The following ZNF503 variants were observed in gnomAD, a reference collection of about 807,000 sequenced individuals.
ZNF503 encodes NocA-like zinc finger 2.
In ZNF503, 15 loss-of-function variants were observed where a neutral mutation model predicts 34.4. That is an observed-to-expected ratio of 0.44 (90% CI 0.29 to 0.67). ZNF503 has a LOEUF of 0.67. Ranked by LOEUF, ZNF503 falls within the 30% of genes least tolerant of loss-of-function variation. The pLI, the probability that ZNF503 is intolerant of heterozygous loss-of-function variation, is 0.13. For synonymous variants in ZNF503, 580 were observed against 456.8 expected, an observed-to-expected ratio of 1.27 and a Z score of -3.44; for missense variants, 1,007 against 926.8, an observed-to-expected ratio of 1.09 and a Z score of -1.12.
the ZNF503 span, among the ~76,000 whole-genome samples, chr10:75,387,988 G>A: frequency 6.6e-6 from 1 of 152,170 alleles, no homozygotes; most frequent in Non-Finnish European, 1.5e-5. Context: ...GAGGGGTCCA[G>A]GACCCCACAT....
the ZNF503 span, among the ~76,000 whole-genome samples, chr10:75,390,934 C>T: frequency 6.6e-6 from 1 of 152,174 alleles, no homozygotes; most frequent in Non-Finnish European, 1.5e-5. Flanking sequence ...TTTTAGATGG[C>T]TGCCTTCTTA....
chr10:75,394,786 C>A (rs1843678686), downstream of ZNF503, among the ~76,000 whole-genome samples: 1 of 152,170 alleles, frequency 6.6e-6, no homozygotes, highest in African/African-American at 2.4e-5. Context: ...TGACAGGCAT[C>A]TGCATTTGTG....
At chr10:75,350,152 C>T in the ZNF503 span, among the ~76,000 whole-genome samples, 2 of 152,224 alleles carry the variant, frequency 1.3e-5, no homozygotes, top group Non-Finnish European at 2.9e-5. Flanking sequence ...TACCAATATT[C>T]ACCTCTGAGG....
the ZNF503 span, among the ~76,000 whole-genome samples, chr10:75,387,973 G>A: frequency 0.013 from 1,946 of 152,282 alleles, 48 homozygotes; most frequent in African/African-American, 0.044. Context: ...GGATCTATGT[G>A]GGAGGAGGGG....
At chr10:75,323,197 A>T in the ZNF503 span, among the ~76,000 whole-genome samples, 1 of 152,164 alleles carries the variant, frequency 6.6e-6, no homozygotes, top group South Asian at 2.1e-4. Flanking sequence ...ATGAATCGAT[A>T]GTTTGTTCCT....
the ZNF503 span, among the ~76,000 whole-genome samples, chr10:75,284,428 T>G: frequency 1.3e-5 from 2 of 149,760 alleles, no homozygotes; most frequent in African/African-American, 5.0e-5. Flanking sequence ...GGGTACTGGG[T>G]TGGGGGAAGG....
the ZNF503 span, among the ~76,000 whole-genome samples, chr10:75,357,508 A>T: frequency 6.6e-6 from 1 of 152,110 alleles, no homozygotes; most frequent in South Asian, 2.1e-4. Context: ...ACAGAGCGAG[A>T]CTCTGTCTCA....
the ZNF503 span, chr10:75,280,309 T>C: frequency 6.6e-6 from 1 of 152,090 alleles, no homozygotes; most frequent in Non-Finnish European, 1.5e-5. Flanking sequence ...TGGTCTGGAG[T>C]TGGAGGTAAT....
chr10:75,335,849 T>C, the ZNF503 span, among the ~76,000 whole-genome samples: 1 of 152,220 alleles, frequency 6.6e-6, no homozygotes, highest in Admixed American at 6.5e-5. Flanking sequence ...ATCTGTTTCA[T>C]AGCAATGTTT....
chr10:75,306,484 C>T, the ZNF503 span, among the ~76,000 whole-genome samples: 1 of 152,122 alleles, frequency 6.6e-6, no homozygotes, highest in Non-Finnish European at 1.5e-5. Flanking sequence ...TATTTTCTCC[C>T]ATTCCATAGG....
At position 75,401,089 on chromosome 10, in the gene ZNF503, G is replaced by A. The variant is rs1232657158; in HGVS notation, c.315+16C>T. 6.2e-6 allele frequency: 10 copies of A among 1,613,780 alleles called. No individual in the cohort carries two copies. The highest frequency in any genetic ancestry group is 8.5e-6 in the Non-Finnish European group (10 of 1,179,974). ...AGGGTAGTGGTCCCAGTGCGATCCAGAGAGAGGGTCCTTACCTCGATGGGG... is the reference window on the plus strand; with the variant it reads ...AGGGTAGTGGTCCCAGTGCGATCCAAAGAGAGGGTCCTTACCTCGATGGGG... On this transcript the variant is annotated intron_variant, in intron 1 of 1. Coordinates refer to ENST00000372524, the MANE Select transcript of ZNF503 (RefSeq NM_032772.6).
chr10:75,298,853 G>A, the ZNF503 span: 19 of 152,010 alleles, frequency 1.2e-4, no homozygotes, highest in African/African-American at 4.6e-4. Context: ...TGAACTCCTG[G>A]ACTCAAGCAA....
the ZNF503 span, among the ~76,000 whole-genome samples, chr10:75,354,453 C>T: frequency 6.6e-6 from 1 of 152,134 alleles, no homozygotes; most frequent in East Asian, 1.9e-4. Context: ...TAGGTCACGC[C>T]TATAATCCTA....
chr10:75,396,614 G>A (rs1364993210), downstream of ZNF503, among the ~76,000 whole-genome samples: 3 of 152,214 alleles, frequency 2.0e-5, no homozygotes, highest in Non-Finnish European at 4.4e-5. The surrounding 1 kb of genome is among the most constrained non-coding windows in gnomAD (Gnocchi z 4.4). Flanking sequence ...AGTCCCCAGA[G>A]GCAACAGGGG....
the ZNF503 span, among the ~76,000 whole-genome samples, chr10:75,284,661 G>T: frequency 6.6e-6 from 1 of 151,984 alleles, no homozygotes; most frequent in Non-Finnish European, 1.5e-5. Flanking sequence ...GTTTCATCTG[G>T]GCCCTTCACC....
chr10:75,321,942 C>CTTG, the ZNF503 span, among the ~76,000 whole-genome samples: 1 of 152,070 alleles, frequency 6.6e-6, no homozygotes, highest in Non-Finnish European at 1.5e-5. Context: ...AAGTATTTTT[C>CTTG]TTGTTGTTCT....
the ZNF503 span, chr10:75,296,275 G>A: frequency 6.6e-6 from 1 of 152,434 alleles, no homozygotes; most frequent in Admixed American, 6.5e-5. Flanking sequence ...TGGATGCCAG[G>A]AAGCATTTCA....
the ZNF503 span, among the ~76,000 whole-genome samples, chr10:75,322,516 T>A: frequency 1.3e-5 from 2 of 152,158 alleles, no homozygotes; most frequent in Non-Finnish European, 2.9e-5. Context: ...ACACATGATA[T>A]AATTTTTCTA....
chr10:75,330,242 C>T, the ZNF503 span, among the ~76,000 whole-genome samples: 1 of 152,100 alleles, frequency 6.6e-6, no homozygotes, highest in South Asian at 2.1e-4. Flanking sequence ...TATTGGGCTG[C>T]TGGATTTGGC....
Sources: allele counts gnomAD v4.1 joint callset (sites outside exome capture counted in the v4.1 genomes callset), GRCh38; gene constraint gnomAD v4.1.1; non-coding constraint Gnocchi (gnomAD v3.1); transcripts MANE v1.5; gene names NCBI Gene and HGNC (gene_info 2026-07-23, HGNC 2026-07-21).